Variants in CAMTA1 observed in about 807,000 individuals in gnomAD.
CAMTA1 encodes calmodulin-binding transcription activator 1.
In CAMTA1, 27 loss-of-function variants were observed where a neutral mutation model predicts 170.9. The ratio of observed to expected loss-of-function variants is 0.16; its 90% CI spans 0.12 to 0.22. The LOEUF is 0.22. Ranked by LOEUF, CAMTA1 falls within the 10% of genes least tolerant of loss-of-function variation. CAMTA1 has a pLI of 1.00. For synonymous variants in CAMTA1, 833 were observed against 891.5 expected, an observed-to-expected ratio of 0.93 and a Z score of 1.17; for missense variants, 1,619 against 2,217.2, an observed-to-expected ratio of 0.73 and a Z score of 5.42.
rs530490704 is a variant in CAMTA1, at chr1:7,136,709, A to C, written c.302+45338A>C. Among the ~76,000 whole-genome samples the C allele has an allele frequency of 1.7e-3, 261 of 152,270 alleles. 10 individuals are homozygous for C. Among genetic ancestry groups the C allele is most frequent in the Admixed American group, 0.017 (258 of 15,296 alleles). On this transcript the variant is annotated intron_variant, in intron 4 of 22. Transcript: ENST00000303635. ...AGCTCTTGTTAAGGCTGCCAAGTGC[A>C]ATAGTTGAGTATCTGTTCTCATCTT...
chr1:6,914,571 T>G (rs1248837976), intron 3 of CAMTA1, among the ~76,000 whole-genome samples: 1 of 152,214 alleles, frequency 6.6e-6, no homozygotes, highest in Non-Finnish European at 1.5e-5. Context: ...AATGGCCATT[T>G]TTTGTGGCCT....
intron 6 of CAMTA1, among the ~76,000 whole-genome samples, chr1:7,520,613 C>T (rs1009262499): frequency 2.6e-5 from 4 of 151,860 alleles, no homozygotes; most frequent in Non-Finnish European, 5.9e-5. Flanking sequence ...GGGTGGCTGC[C>T]CCAGAGGGGA....
At chr1:6,977,003 A>G (rs182589391) in intron 3 of CAMTA1, among the ~76,000 whole-genome samples, 1 of 152,200 alleles carries the variant, frequency 6.6e-6, no homozygotes, top group Non-Finnish European at 1.5e-5. Flanking sequence ...TTTGCCTTTC[A>G]CCATGATTGT....
intron 4 of CAMTA1, among the ~76,000 whole-genome samples, chr1:7,240,303 G>A (rs1664627644): frequency 6.6e-6 from 1 of 152,080 alleles, no homozygotes; most frequent in Non-Finnish European, 1.5e-5. Context: ...AGGATATGTG[G>A]CCTAATTCTC....
intron 10 of CAMTA1, among the ~76,000 whole-genome samples, chr1:7,676,236 G>A (rs1486761175): frequency 3.3e-5 from 5 of 152,236 alleles, no homozygotes; most frequent in East Asian, 3.8e-4. Flanking sequence ...GGACTTGGCC[G>A]GGGCTCCCTG....
intron 3 of CAMTA1, among the ~76,000 whole-genome samples, chr1:6,976,276 T>TCA (rs1369011383): frequency 1.3e-4 from 20 of 152,134 alleles, no homozygotes; most frequent in Non-Finnish European, 2.4e-4. Flanking sequence ...CAAGGAGAAC[T>TCA]CATCAGCAGG....
In CAMTA1 at chr1:7,697,812, T is replaced by C. The variant is rs564415153; in HGVS notation, c.2914+20079T>C. Among the ~76,000 whole-genome samples, 6 of 152,366 alleles carry C rather than the reference T, an allele frequency of 3.9e-5. No homozygotes were observed. In the East Asian group the frequency reaches 1.2e-3, roughly 29 times the overall value. ...CACCTTCCCAGGATGACGCCAATCATGGCATATCCTGGTAGCAAACACTGT... is the reference window on the plus strand; with the variant it reads ...CACCTTCCCAGGATGACGCCAATCACGGCATATCCTGGTAGCAAACACTGT... On this transcript the variant is annotated intron_variant, in intron 11 of 22. Transcript: ENST00000303635.
At chr1:7,560,820 G>A (rs572418677) in intron 6 of CAMTA1, among the ~76,000 whole-genome samples, 126 of 152,228 alleles carry the variant, frequency 8.3e-4, no homozygotes, top group Admixed American at 1.4e-3. Flanking sequence ...CTCAGGTGGG[G>A]AAGAGAGAAC....
chr1:7,002,191 G>A lies in CAMTA1; in HGVS notation c.235-89113G>A, dbSNP rs192680079. On this transcript the variant is annotated intron_variant, in intron 3 of 22. Transcript: ENST00000303635. Reference sequence around the variant, plus strand: ...ATTACAAGTGTTAGCCACCGCACCCGGACTAAAACCCTTTTCCAAATAGAT... The same window carrying A: ...ATTACAAGTGTTAGCCACCGCACCCAGACTAAAACCCTTTTCCAAATAGAT... Among the ~76,000 whole-genome samples, 14 of 152,186 alleles carry A rather than the reference G, an allele frequency of 9.2e-5. No homozygotes were observed. The East Asian group carries it at 1.4e-3, about 15-fold the overall frequency.
At chr1:7,088,242 G>A (rs979389433) in intron 3 of CAMTA1, among the ~76,000 whole-genome samples, 8 of 152,214 alleles carry the variant, frequency 5.3e-5, no homozygotes, top group Non-Finnish European at 8.8e-5. Flanking sequence ...CCTGGATTGG[G>A]AGAAGCAAAA....
intron 11 of CAMTA1, among the ~76,000 whole-genome samples, chr1:7,704,324 G>A (rs1313951978): frequency 6.9e-6 from 1 of 145,650 alleles, no homozygotes; most frequent in African/African-American, 2.5e-5. Context: ...GGGGCTCCGG[G>A]GGCCGTCGGC....
chr1:7,704,158 ACGCCGCCGCCGCAGGGCG>A (rs1558167315), intron 11 of CAMTA1, among the ~76,000 whole-genome samples: 1 of 149,998 alleles, frequency 6.7e-6, no homozygotes, highest in African/African-American at 2.4e-5. Flanking sequence ...TGCATTGCAG[ACGCCGCCGCCGCAGGGCG>A]CGCCGGGGCC....
chr1:7,061,185 C>T (rs536827900), intron 3 of CAMTA1, among the ~76,000 whole-genome samples: 6 of 152,300 alleles, frequency 3.9e-5, no homozygotes, highest in South Asian at 4.1e-4. Context: ...GAGTTTGGTT[C>T]GGTTTGACAA....
At chr1:7,656,260 T>C (rs1214535882) in intron 7 of CAMTA1, among the ~76,000 whole-genome samples, 1 of 152,246 alleles carries the variant, frequency 6.6e-6, no homozygotes, top group African/African-American at 2.4e-5. Flanking sequence ...CGTCTCACAG[T>C]CTGCAGGCTG....
rs367830462 is a variant in CAMTA1, at chr1:7,737,424, A to G, written c.3512A>G (p.Gln1171Arg). The G allele has an allele frequency of 3.4e-5, 55 of 1,614,072 alleles. No homozygotes were observed. The highest frequency in any genetic ancestry group is 5.0e-5 in the Admixed American group (3 of 60,010). The change falls in exon 15 of 23, where the codon CAG becomes CGG. Residue 1171 changes from glutamine (Q) to arginine (R), a missense_variant. Gln to Arg is a conservative substitution (Grantham distance 43). This residue lies in a region of CAMTA1 where 370 missense variants were observed against 429.4 expected (regional missense o/e 0.86). Transcript: ENST00000303635. ...CTGGAGCACCTGCAGAGAGATGAGC[A>G]GGCTCAGCTGGGACAGAACCCCAGA... ...ECLEHLQRDE[Q>R]AQLGQNPRIH...
chr1:7,237,825 A>C (rs930932145), intron 4 of CAMTA1, among the ~76,000 whole-genome samples: 14 of 152,218 alleles, frequency 9.2e-5, no homozygotes, highest in Non-Finnish European at 1.9e-4. Flanking sequence ...CAGTCCCCTC[A>C]TTGTTACTCC....
chr1:7,292,888 GA>G (rs1174077355), intron 5 of CAMTA1, among the ~76,000 whole-genome samples: 1 of 152,106 alleles, frequency 6.6e-6, no homozygotes, highest in Admixed American at 6.5e-5. Flanking sequence ...CCGCCTTTAG[GA>G]AGCAGGCAGA....
At chr1:7,676,730 G>A (rs2096124477) in intron 10 of CAMTA1, among the ~76,000 whole-genome samples, 1 of 152,178 alleles carries the variant, frequency 6.6e-6, no homozygotes, top group African/African-American at 2.4e-5. Flanking sequence ...ATGAGGCCTG[G>A]CGGGGCAGTG....
At chr1:6,890,127 G>A (rs1194417026) in intron 3 of CAMTA1, among the ~76,000 whole-genome samples, 3 of 152,204 alleles carry the variant, frequency 2.0e-5, no homozygotes, top group Non-Finnish European at 1.5e-5. Flanking sequence ...GCCTTCCGGA[G>A]GCTCTGCTGA....
Sources: gnomAD v4.1 joint callset for allele counts (sites outside exome capture counted in the v4.1 genomes callset) on GRCh38, gnomAD v4.1.1 for gene constraint, gnomAD v4.1.1 regional missense constraint, MANE v1.5 for transcripts, NCBI Gene and HGNC (gene_info 2026-07-23, HGNC 2026-07-21) for gene names.